MAP3K7CL: variants seen among roughly 807,000 people sequenced by gnomAD.
MAP3K7CL encodes the protein MAP3K7 C-terminal-like protein.
Under a neutral mutation model 18.6 loss-of-function variants are expected in MAP3K7CL, and 16 were observed. That is an observed-to-expected ratio of 0.86 (90% CI 0.58 to 1.31). The LOEUF (loss-of-function observed/expected upper bound fraction) is 1.31. MAP3K7CL is among the 50% of genes most tolerant of loss of function. The pLI is 0.00. For missense variants in MAP3K7CL, 163 were observed against 174.4 expected, an observed-to-expected ratio of 0.93 and a Z score of 0.37; for synonymous variants, 65 against 66.8, an observed-to-expected ratio of 0.97 and a Z score of 0.13.
intron 4 of MAP3K7CL, among the ~76,000 whole-genome samples, chr21:29,168,812 G>A (rs2087754153): frequency 6.6e-6 from 1 of 152,134 alleles, no homozygotes; most frequent in South Asian, 2.1e-4. Context: ...GGGTTAAAAG[G>A]GACAGCATAT....
chr21:29,102,469 CTCTCTCTCT>C lies in MAP3K7CL; in HGVS notation c.370+9890_370+9898del, dbSNP rs201680367. ...TCAAGACTGACTTGATTCTCTCTCT[CTCTCTCTCT>C]TTTTTTTTTTTTTTTTTTTTTAAAC... On this transcript the variant is annotated intron_variant, in intron 4 of 6. Transcript: ENST00000286791. 471 of 110,274 alleles carry C rather than the reference CTCTCTCTCT, an allele frequency of 4.3e-3. 3 individuals carry two copies. Among genetic ancestry groups the C allele is most frequent in the African/African-American group, 0.022 (460 of 20,960 alleles). The allele number at this position is 110,274 out of a possible 1,614,324, so 6.8% of individuals were successfully genotyped here.
chr21:29,116,221 G>C (rs2086503348), intron 4 of MAP3K7CL, among the ~76,000 whole-genome samples: 1 of 152,200 alleles, frequency 6.6e-6, no homozygotes, highest in African/African-American at 2.4e-5. Context: ...TACTAACTCT[G>C]TCACTGAACA....
chr21:29,080,007 G>A (rs1201844506), intron 1 of MAP3K7CL, among the ~76,000 whole-genome samples: 1 of 152,136 alleles, frequency 6.6e-6, no homozygotes, highest in African/African-American at 2.4e-5. Context: ...GAACGAGAAG[G>A]GTGAAATGGA....
At chr21:29,170,334 A>G (rs73897286) in intron 4 of MAP3K7CL, among the ~76,000 whole-genome samples, 4,662 of 152,338 alleles carry the variant, frequency 0.031, 206 homozygotes, top group African/African-American at 0.096. Flanking sequence ...TCTCCAATGC[A>G]AGATCAGACT....
chr21:29,162,356 T>C (rs2087570525), intron 4 of MAP3K7CL, among the ~76,000 whole-genome samples: 1 of 151,590 alleles, frequency 6.6e-6, no homozygotes, highest in African/African-American at 2.4e-5. Flanking sequence ...AAATTACATG[T>C]TCTGTAAGTT....
intron 1 of MAP3K7CL, among the ~76,000 whole-genome samples, chr21:29,089,732 C>T (rs2085989146): frequency 6.6e-6 from 1 of 151,824 alleles, no homozygotes; most frequent in Admixed American, 6.6e-5. Context: ...TGCCTTCTGT[C>T]TTTATATAGG....
At chr21:29,121,061 T>G (rs1315665421) in intron 4 of MAP3K7CL, among the ~76,000 whole-genome samples, 2 of 40,922 alleles carry the variant, frequency 4.9e-5, no homozygotes, top group African/African-American at 9.4e-5. Context: ...GTCAGATATA[T>G]ATATATAGTG....
rs924274396 is a variant in MAP3K7CL, at chr21:29,130,750, A to G, written c.-213A>G. On this transcript the variant is annotated 5_prime_UTR_variant, in exon 1 of 5. Coordinates refer to ENST00000399928, the MANE Select transcript of MAP3K7CL (RefSeq NM_001286620.2). Reference sequence around the variant, plus strand: ...CGTGGGACGCTGGGGTCTGGGGCAGAGCAGGTAGCAGCGTGCTGCCCTGAC... The same window carrying G: ...CGTGGGACGCTGGGGTCTGGGGCAGGGCAGGTAGCAGCGTGCTGCCCTGAC... 3 of 985,538 alleles carry G rather than the reference A, an allele frequency of 3.0e-6. No individual in the cohort carries two copies. The highest frequency in any genetic ancestry group is 3.6e-6 in the Non-Finnish European group (3 of 830,014). The allele number at this position is 985,538 out of a possible 1,614,324, so 61.0% of individuals were successfully genotyped here. A position where few individuals can be genotyped will look rare whatever the true frequency, so the allele number is the denominator to read the frequency against.
chr21:29,085,101 G>C (rs921923530), upstream of MAP3K7CL: 57 of 152,234 alleles, frequency 3.7e-4, no homozygotes, highest in African/African-American at 1.3e-3. Context: ...CCCTTACCGG[G>C]GTCCTTCTGG....
chr21:29,095,925 A>T (rs1290415597), intron 4 of MAP3K7CL, among the ~76,000 whole-genome samples: 1 of 152,248 alleles, frequency 6.6e-6, no homozygotes, highest in Non-Finnish European at 1.5e-5. Context: ...GCCACTTGAT[A>T]GTATCAGCTG....
intron 4 of MAP3K7CL, among the ~76,000 whole-genome samples, chr21:29,125,030 T>C (rs1010633642): frequency 2.0e-5 from 3 of 152,214 alleles, no homozygotes; most frequent in African/African-American, 7.2e-5. Flanking sequence ...CTTCCACAGC[T>C]TTTGAATGCA....
chr21:29,099,085 CTTTCT>C (rs932778727), intron 4 of MAP3K7CL, among the ~76,000 whole-genome samples: 9 of 151,908 alleles, frequency 5.9e-5, no homozygotes, highest in Admixed American at 3.3e-4. Context: ...AAAATACTAG[CTTTCT>C]TTTCTTTTCT....
chr21:29,174,804 A>G lies in MAP3K7CL; in HGVS notation c.341A>G (p.Asn114Ser). 1 of 1,614,144 alleles carries G rather than the reference A, an allele frequency of 6.2e-7. No homozygotes were observed. The highest frequency in any genetic ancestry group is 8.5e-7 in the Non-Finnish European group (1 of 1,180,016). The change falls in exon 5 of 5, where the codon AAT (asparagine) becomes AGT (serine). Residue 114 changes from asparagine (N) to serine (S), a missense_variant. Coordinates refer to ENST00000399928, the MANE Select transcript of MAP3K7CL (RefSeq NM_001286620.2). ...VREFEALTEE[N>S]RTLRLAQSQC... ...GAATTCGAGGCTCTGACGGAGGAGA[A>G]TCGGACGTTGAGGTTGGCCCAGTCT...
upstream of MAP3K7CL, chr21:29,085,849 C>G: frequency 6.2e-7 from 1 of 1,613,998 alleles, no homozygotes; most frequent in Non-Finnish European, 8.5e-7. Context: ...TACTGTCATG[C>G]AAAGCGACTA....
At chr21:29,094,156 G>T (rs2086079710) in intron 4 of MAP3K7CL, among the ~76,000 whole-genome samples, 1 of 152,208 alleles carries the variant, frequency 6.6e-6, no homozygotes, top group African/African-American at 2.4e-5. Flanking sequence ...GAGATATTTT[G>T]GGGTGTCACA....
intron 4 of MAP3K7CL, among the ~76,000 whole-genome samples, chr21:29,119,985 G>T (rs1371763730): frequency 6.6e-6 from 1 of 152,090 alleles, no homozygotes; most frequent in East Asian, 1.9e-4. Flanking sequence ...AAACTTGATT[G>T]ATAGTTTGGT....
At chr21:29,139,279 T>A (rs1189422045) in intron 2 of MAP3K7CL, 2 of 152,218 alleles carry the variant, frequency 1.3e-5, no homozygotes, top group Admixed American at 6.5e-5. Context: ...TTTATCATTA[T>A]TTTTTAAGGC....
intron 4 of MAP3K7CL, among the ~76,000 whole-genome samples, chr21:29,106,360 T>C (rs1464207440): frequency 6.6e-6 from 1 of 152,132 alleles, no homozygotes; most frequent in Non-Finnish European, 1.5e-5. Context: ...ATTTTGTATT[T>C]TTAGTAGAGA....
intron 1 of MAP3K7CL, among the ~76,000 whole-genome samples, chr21:29,132,927 G>A (rs2086806632): frequency 6.6e-6 from 1 of 152,178 alleles, no homozygotes; most frequent in Admixed American, 6.5e-5. Flanking sequence ...GAAGCCATCT[G>A]ATACCTTATT....
Sources: gnomAD v4.1 joint callset for allele counts (sites outside exome capture counted in the v4.1 genomes callset) on GRCh38, gnomAD v4.1.1 for gene constraint, MANE v1.5 for transcripts, NCBI Gene and HGNC (gene_info 2026-07-23, HGNC 2026-07-21) for gene names.